The following ZDHHC20 variants were observed in gnomAD, a reference collection of about 807,000 sequenced individuals.
ZDHHC20 encodes the protein palmitoyltransferase ZDHHC20.
ZDHHC20 carries 43 observed loss-of-function variants against 57.8 expected under a neutral mutation model. The observed-to-expected ratio is 0.74, with a 90% CI of 0.58 to 0.96. The LOEUF (loss-of-function observed/expected upper bound fraction) is 0.96. Ranked by LOEUF, ZDHHC20 falls within the 40% of genes least tolerant of loss-of-function variation. The pLI, the probability that ZDHHC20 is intolerant of heterozygous loss-of-function variation, is 0.00. For missense variants in ZDHHC20, 391 were observed against 441.1 expected (o/e 0.89, Z 1.02); for synonymous variants, 157 against 153.0 (o/e 1.03, Z -0.19).
intron 4 of ZDHHC20, among the ~76,000 whole-genome samples, chr13:21,413,370 A>C (rs1879493265): frequency 1.3e-5 from 2 of 152,308 alleles, no homozygotes; most frequent in South Asian, 4.1e-4. Flanking sequence ...AAGAATAATA[A>C]TTAAAATTTT....
In ZDHHC20 at chr13:21,379,546, T is replaced by A. The variant is rs1233561846; in HGVS notation, c.1061-808A>T. Among the ~76,000 whole-genome samples the A allele has an allele frequency of 3.3e-5, 5 of 151,912 alleles. 1 individual carries two copies. The highest frequency in any genetic ancestry group is 2.6e-4 in the Admixed American group (4 of 15,258). On this transcript the variant is annotated intron_variant, in intron 11 of 12. Transcript: ENST00000400590. ...ATCCTCCTGCCTCAGCCTCCGGAAG[T>A]GCTGGGATTACAGGTGTGAGCCACT...
At chr13:21,419,510 G>A (rs2137897769) in intron 3 of ZDHHC20, among the ~76,000 whole-genome samples, 1 of 152,268 alleles carries the variant, frequency 6.6e-6, no homozygotes, top group African/African-American at 2.4e-5. Flanking sequence ...TACTACAACT[G>A]AATACTAAAC....
intron 1 of ZDHHC20, 111 bp downstream of exon 1, chr13:21,458,943 C>G (rs1885155873): frequency 1.3e-6 from 1 of 774,934 alleles, no homozygotes. Context: ...GGGCCGGACG[C>G]CCGGCGTCCG....
chr13:21,424,034 A>G (rs1880965595), intron 2 of ZDHHC20, among the ~76,000 whole-genome samples: 1 of 152,154 alleles, frequency 6.6e-6, no homozygotes, highest in South Asian at 2.1e-4. Context: ...CATGAAAACA[A>G]AAGAAAATGG....
In ZDHHC20 at chr13:21,459,037, C is replaced by T. The variant is rs754502623; in HGVS notation, c.118+17G>A. The T allele has an allele frequency of 6.3e-7, 1 of 1,576,426 alleles. No homozygotes were observed. Among genetic ancestry groups the T allele is most frequent in the Non-Finnish European group, 8.6e-7 (1 of 1,160,542 alleles). On this transcript the variant is annotated intron_variant, in intron 1 of 12. Transcript: ENST00000400590. ...CGCGGCCCGCGCCCCGCCGCAGTCC[C>T]CGGGGACGGTACTCACACACGCAGA... is the stretch of plus-strand genomic sequence containing the variant.
intron 8 of ZDHHC20, chr13:21,390,349 G>A (rs1211405743): frequency 6.6e-6 from 1 of 152,146 alleles, no homozygotes; most frequent in African/African-American, 2.4e-5. Context: ...ATAGCTCAGT[G>A]AGCAATGCCA....
At chr13:21,404,320 C>A in intron 4 of ZDHHC20, 1 of 503,024 alleles carries the variant, frequency 2.0e-6, no homozygotes, top group Non-Finnish European at 4.0e-6. Context: ...GAGCTCCTTT[C>A]TATTTTGTAG....
intron 1 of ZDHHC20, among the ~76,000 whole-genome samples, chr13:21,438,966 CA>C: frequency 1.3e-5 from 2 of 152,218 alleles, no homozygotes; most frequent in East Asian, 3.9e-4. Context: ...ATTTTTTTAG[CA>C]AAAAGTATTT....
chr13:21,454,786 A>G (rs1226657419), intron 1 of ZDHHC20, among the ~76,000 whole-genome samples: 2 of 152,266 alleles, frequency 1.3e-5, no homozygotes, highest in African/African-American at 4.8e-5. Flanking sequence ...TGAAGAAGTT[A>G]TGCAGGAGAC....
At chr13:21,437,858 A>AT (rs897850787) in intron 1 of ZDHHC20, among the ~76,000 whole-genome samples, 1 of 151,950 alleles carries the variant, frequency 6.6e-6, no homozygotes, top group Admixed American at 6.6e-5. Flanking sequence ...CGCCTGGCTA[A>AT]TTTTTTGTAT....
rs544199363 is a variant in ZDHHC20 at position 21,387,009 on chromosome 13, T to C, written c.854+499A>G. Among the ~76,000 whole-genome samples, 15 of 152,338 alleles carry C rather than the reference T, an allele frequency of 9.8e-5. No homozygotes were observed. The South Asian group carries it at 2.9e-3, about 29-fold the overall frequency. The stretch of plus-strand genomic sequence containing the variant: ...TCAAATATTTTTCCCTTCTTTTTGA[T>C]GACTTTGGTATATAGCTGGCCTAAA... On this transcript the variant is annotated intron_variant, in intron 9 of 12. Coordinates refer to ENST00000400590, the MANE Select transcript of ZDHHC20 (RefSeq NM_001330059.2).
At chr13:21,377,409 G>T (rs201901810) in intron 12 of ZDHHC20, among the ~76,000 whole-genome samples, 730 of 56,426 alleles carry the variant, frequency 0.013, no homozygotes, top group Middle Eastern at 0.036. Context: ...GACTCTGCCC[G>T]ACGTGACCTC....
intron 1 of ZDHHC20, among the ~76,000 whole-genome samples, chr13:21,451,721 G>A (rs1000555868): frequency 2.0e-5 from 3 of 152,102 alleles, no homozygotes; most frequent in African/African-American, 7.2e-5. Flanking sequence ...CGGGCACGGT[G>A]GCTCAAACCT....
chr13:21,455,356 C>T (rs1471093113), intron 1 of ZDHHC20, among the ~76,000 whole-genome samples: 1 of 152,122 alleles, frequency 6.6e-6, no homozygotes, highest in Non-Finnish European at 1.5e-5. Context: ...ACCTGAACAA[C>T]AAGATATTCT....
chr13:21,444,884 C>T (rs921175701), intron 1 of ZDHHC20, among the ~76,000 whole-genome samples: 4 of 151,886 alleles, frequency 2.6e-5, no homozygotes, highest in African/African-American at 7.3e-5. Flanking sequence ...AGCAAGACCT[C>T]GTCTCTATAA....
chr13:21,406,630 C>T (rs1306405245), intron 4 of ZDHHC20, among the ~76,000 whole-genome samples: 1 of 151,734 alleles, frequency 6.6e-6, no homozygotes, highest in Non-Finnish European at 1.5e-5. Flanking sequence ...TGAGAACATG[C>T]AGTGTTTGGT....
At position 21,374,229 on chromosome 13, in the gene ZDHHC20, TA is replaced by T. The variant is rs1871653337; in HGVS notation, c.*2466del. On this transcript the variant is annotated 3_prime_UTR_variant, in exon 13 of 13. Coordinates refer to ENST00000400590, the MANE Select transcript of ZDHHC20 (RefSeq NM_001330059.2). ...TTATGTTTTTAGTTGGTAATTGATATATATATATATTTTTGAGATGGAGTTT... is the reference window on the plus strand; with the variant it reads ...TTATGTTTTTAGTTGGTAATTGATATTATATATATTTTTGAGATGGAGTTT... 1.3e-5 allele frequency: 3 copies of T among 225,742 alleles called. No homozygotes were observed. Among genetic ancestry groups the T allele is most frequent in the South Asian group, 1.1e-4 (2 of 17,636 alleles). 14.0% of individuals were successfully genotyped at this position (225,742 alleles called of 1,614,324 possible).
rs550693892 is a variant in ZDHHC20, at chr13:21,372,760, G to A, written c.*3936C>T. On this transcript the variant is annotated 3_prime_UTR_variant, in exon 13 of 13. Transcript: ENST00000400590. ...ACACAAGGCTTATGGTACTTGTTAG[G>A]TAAACACAACCAAACTAAACTGTAC... The A allele has an allele frequency of 6.6e-6, 1 of 152,282 alleles. No individual in the cohort carries two copies. The highest frequency in any genetic ancestry group is 2.1e-4 in the South Asian group (1 of 4,830). The allele number at this position is 152,282 out of a possible 1,614,324, so 9.4% of individuals were successfully genotyped here. A position where few individuals can be genotyped will look rare whatever the true frequency, so the allele number is the denominator to read the frequency against.
intron 3 of ZDHHC20, among the ~76,000 whole-genome samples, chr13:21,416,599 A>G (rs1689466293): frequency 1.3e-5 from 2 of 152,238 alleles, no homozygotes; most frequent in Non-Finnish European, 2.9e-5. Context: ...AGCATAAAGT[A>G]CAACATTAAT....
Sources: allele counts gnomAD v4.1 joint callset (sites outside exome capture counted in the v4.1 genomes callset), GRCh38; gene constraint gnomAD v4.1.1; transcripts MANE v1.5; gene names NCBI Gene and HGNC (gene_info 2026-07-23, HGNC 2026-07-21).